The following MSI2 variants were observed in gnomAD, a reference collection of about 807,000 sequenced individuals.
The protein encoded by MSI2 is RNA-binding protein Musashi homolog 2.
In MSI2, 17 loss-of-function variants were observed where a neutral mutation model predicts 45.6. The ratio of observed to expected loss-of-function variants is 0.37; its 90% CI spans 0.26 to 0.56. The LOEUF (loss-of-function observed/expected upper bound fraction) is 0.56. Among genes scored for constraint, MSI2 ranks in the 20% least tolerant of loss-of-function variants. MSI2 has a pLI of 0.77. For missense variants in MSI2, 293 were observed against 444.2 expected (o/e 0.66, Z 3.06); for synonymous variants, 156 against 158.2 (o/e 0.99, Z 0.11).
intron 8 of MSI2, chr17:57,600,802 A>T (rs1272845136): frequency 6.6e-6 from 1 of 152,250 alleles, no homozygotes; most frequent in Non-Finnish European, 1.5e-5. Flanking sequence ...CTAATAGCTG[A>T]CATTGGGTGG....
At chr17:57,460,415 T>C (rs1236811321) in intron 6 of MSI2, among the ~76,000 whole-genome samples, 2 of 148,880 alleles carry the variant, frequency 1.3e-5, no homozygotes, top group Non-Finnish European at 3.0e-5. Context: ...AAAGATTTGA[T>C]GGGCAAAATC....
rs1336832980 is a variant in MSI2 at position 57,627,755 on chromosome 17, C to T, written c.727+452C>T. 3.5e-5 allele frequency: 7 copies of T among 197,210 alleles called. No individual in the cohort carries two copies. Among genetic ancestry groups the T allele is most frequent in the Non-Finnish European group, 7.3e-5 (7 of 95,958 alleles). 12.2% of individuals were successfully genotyped at this position (197,210 alleles called of 1,614,324 possible). On this transcript the variant is annotated intron_variant, in intron 10 of 13. Coordinates refer to ENST00000284073, the MANE Select transcript of MSI2 (RefSeq NM_138962.4). The surrounding 1 kb of genome is among the most constrained non-coding windows in gnomAD (Gnocchi z 4.6). Reference sequence around the variant, plus strand: ...TCCTCCACCCCTCCTCCTCCTGCTCCGTCCTGACTGCTGTGGCTTCGGCGT... The same window carrying T: ...TCCTCCACCCCTCCTCCTCCTGCTCTGTCCTGACTGCTGTGGCTTCGGCGT...
At chr17:57,482,098 T>C (rs569495127) in intron 6 of MSI2, among the ~76,000 whole-genome samples, 1 of 152,340 alleles carries the variant, frequency 6.6e-6, no homozygotes, top group Non-Finnish European at 1.5e-5. Context: ...GGCCACATGA[T>C]AAATTGCCTG....
intron 11 of MSI2, among the ~76,000 whole-genome samples, chr17:57,663,695 T>C (rs1912168714): frequency 6.6e-6 from 1 of 152,228 alleles, no homozygotes; most frequent in African/African-American, 2.4e-5. Flanking sequence ...TAGTCCAGTT[T>C]TGCTGTGTCC....
intron 5 of MSI2, among the ~76,000 whole-genome samples, chr17:57,296,111 G>A (rs889326676): frequency 7.2e-6 from 1 of 139,706 alleles, no homozygotes; most frequent in Admixed American, 7.9e-5. Context: ...TTTGCATATA[G>A]ATATTTCATT....
intron 5 of MSI2, among the ~76,000 whole-genome samples, chr17:57,392,771 G>A (rs1366284946): frequency 6.6e-6 from 1 of 152,132 alleles, no homozygotes; most frequent in African/African-American, 2.4e-5. Context: ...ACGAAGCGGT[G>A]GGAATGGTGG....
Position 57,613,935 on chromosome 17 carries a change from A to G in MSI2, c.538-2035A>G, listed in dbSNP as rs1907418404. On this transcript the variant is annotated intron_variant, in intron 8 of 13. Coordinates refer to ENST00000284073, the MANE Select transcript of MSI2 (RefSeq NM_138962.4). ...AAGAAAGGTGACTTATATCTTAGGT[A>G]ATTATAGCATCCCCCTAACCTTGAG... 2.6e-5 allele frequency among the ~76,000 whole-genome samples: 4 copies of G among 152,344 alleles called. No homozygotes were observed. In the South Asian group the frequency reaches 8.3e-4, roughly 32 times the overall value.
Position 57,483,408 on chromosome 17 carries a change from C to T in MSI2, c.406-46268C>T, listed in dbSNP as rs1189791355. ...TGGTTCTTCAATATTAGGGTGCATC[C>T]GAATCACCTCTGGGGCTTATTCAAA... On this transcript the variant is annotated intron_variant, in intron 6 of 13. Transcript: ENST00000284073. Among the ~76,000 whole-genome samples, 6 of 152,236 alleles carry T rather than the reference C, an allele frequency of 3.9e-5. No homozygotes were observed. In the South Asian group the frequency reaches 6.2e-4, roughly 16 times the overall value.
intron 4 of MSI2, 67 bp from the exon 5 acceptor site, chr17:57,262,084 G>T (rs1286031205): frequency 6.9e-7 from 1 of 1,445,370 alleles, no homozygotes; most frequent in Non-Finnish European, 9.7e-7. Context: ...TAATAATTAG[G>T]TGATTAATCA....
intron 5 of MSI2, among the ~76,000 whole-genome samples, chr17:57,305,495 C>A (rs1343410122): frequency 1.3e-5 from 2 of 152,224 alleles, no homozygotes; most frequent in Non-Finnish European, 2.9e-5. Context: ...AGACCTCTAG[C>A]AGCCAGGGCC....
At chr17:57,600,515 A>T (rs986328714) in intron 8 of MSI2, among the ~76,000 whole-genome samples, 3 of 152,242 alleles carry the variant, frequency 2.0e-5, no homozygotes, top group Admixed American at 6.5e-5. Context: ...TGTGAGGCAC[A>T]TTATAATTCC....
At chr17:57,303,079 C>T (rs1444562075) in intron 5 of MSI2, among the ~76,000 whole-genome samples, 1 of 152,238 alleles carries the variant, frequency 6.6e-6, no homozygotes, top group Non-Finnish European at 1.5e-5. Flanking sequence ...TGCTGGAGCA[C>T]AGGATTCCCT....
At chr17:57,292,907 T>A (rs1421281157) in intron 5 of MSI2, among the ~76,000 whole-genome samples, 3 of 152,114 alleles carry the variant, frequency 2.0e-5, no homozygotes, top group Non-Finnish European at 2.9e-5. Context: ...GAAAACCCGC[T>A]AGACGAAAAC....
intron 5 of MSI2, among the ~76,000 whole-genome samples, chr17:57,318,113 C>T (rs888277715): frequency 1.3e-5 from 2 of 152,122 alleles, no homozygotes; most frequent in East Asian, 1.9e-4. Flanking sequence ...TGCACCACTG[C>T]ACTCCAACCT....
intron 7 of MSI2, among the ~76,000 whole-genome samples, chr17:57,563,420 C>T (rs908155089): frequency 2.0e-5 from 3 of 152,134 alleles, no homozygotes; most frequent in Non-Finnish European, 4.4e-5. Flanking sequence ...TCCCACAGCC[C>T]TGTGAGATAA....
At chr17:57,341,953 A>G (rs549365062) in intron 5 of MSI2, among the ~76,000 whole-genome samples, 5 of 151,576 alleles carry the variant, frequency 3.3e-5, no homozygotes, top group Non-Finnish European at 5.9e-5. Flanking sequence ...CTAACTTGCC[A>G]TGGAACCAGA....
chr17:57,608,944 G>C (rs936401039), intron 8 of MSI2, among the ~76,000 whole-genome samples: 5 of 152,152 alleles, frequency 3.3e-5, no homozygotes, highest in Admixed American at 1.3e-4. Context: ...TGACCAGGAA[G>C]AAAAAAGGCT....
chr17:57,463,433 C>T (rs1439004598), intron 6 of MSI2, among the ~76,000 whole-genome samples: 1 of 152,190 alleles, frequency 6.6e-6, no homozygotes, highest in Non-Finnish European at 1.5e-5. Context: ...CCGCTTCTGT[C>T]TCTACAGCCT....
At chr17:57,563,783 C>T (rs941407858) in intron 7 of MSI2, among the ~76,000 whole-genome samples, 1 of 146,426 alleles carries the variant, frequency 6.8e-6, no homozygotes, top group Non-Finnish European at 1.5e-5. Flanking sequence ...CACACACACA[C>T]ATAGGCCTCT....
Sources: allele counts gnomAD v4.1 joint callset (sites outside exome capture counted in the v4.1 genomes callset), GRCh38; gene constraint gnomAD v4.1.1; non-coding constraint Gnocchi (gnomAD v3.1); transcripts MANE v1.5; gene names NCBI Gene and HGNC (gene_info 2026-07-23, HGNC 2026-07-21).